The following CACNA1E variants were observed in gnomAD, a reference collection of about 807,000 sequenced individuals.
The protein encoded by CACNA1E is calcium voltage-gated channel subunit alpha1 E, also known as voltage-dependent R-type calcium channel subunit alpha-1E.
A neutral mutation model predicts 259.2 loss-of-function variants in CACNA1E; 40 were observed. That is an observed-to-expected ratio of 0.15 (90% confidence interval 0.12 to 0.20). The LOEUF is 0.20. CACNA1E is among the 10% of genes least tolerant of loss of function. The pLI is 1.00. For missense variants in CACNA1E, 1,874 were observed against 3,040.1 expected (o/e 0.62, Z 9.02); for synonymous variants, 1,104 against 1,138.5 (o/e 0.97, Z 0.61).
chr1:181,758,137 G>A lies in CACNA1E; in HGVS notation c.4494+26G>A, dbSNP rs704329. On this transcript the variant is annotated intron_variant, in intron 31 of 47. Transcript: ENST00000367573. The surrounding 1 kb of genome is among the most constrained non-coding windows in gnomAD (Gnocchi z 4.2). ...GTGAGAGGAGAGAGGCACAAGAGCC[G>A]ACTGAGCCCCAGCGATGGTTCCCTC... is the stretch of plus-strand genomic sequence containing the variant. 0.44 allele frequency: 700,596 copies of A among 1,603,568 alleles called. 156,930 individuals carry two copies. Among genetic ancestry groups the A allele is most frequent in the Non-Finnish European group, 0.46 (540,676 of 1,172,776 alleles).
intron 7 of CACNA1E, among the ~76,000 whole-genome samples, chr1:181,679,949 T>C (rs1238201828): frequency 6.6e-6 from 1 of 151,576 alleles, no homozygotes; most frequent in East Asian, 1.9e-4. Context: ...CAACAAACTT[T>C]AAAAATAAAA....
intron 6 of CACNA1E, among the ~76,000 whole-genome samples, chr1:181,590,401 CA>C (rs397861970): frequency 0.12 from 14,068 of 118,470 alleles, 976 homozygotes; most frequent in Non-Finnish European, 0.16. Context: ...GAGTCAATTA[CA>C]AAAAAAAAAA....
At chr1:181,751,733 T>G (rs945356075) in intron 26 of CACNA1E, among the ~76,000 whole-genome samples, 3 of 152,238 alleles carry the variant, frequency 2.0e-5, no homozygotes, top group South Asian at 4.1e-4. Flanking sequence ...AGTAGGGATC[T>G]GAAGTGGGCT....
At chr1:181,621,781 T>C (rs1655745435) in intron 6 of CACNA1E, among the ~76,000 whole-genome samples, 1 of 152,184 alleles carries the variant, frequency 6.6e-6, no homozygotes, top group African/African-American at 2.4e-5. Flanking sequence ...TCAATTTCAA[T>C]GAGGAAACCA....
At chr1:181,542,092 C>T (rs1470910497) in intron 3 of CACNA1E, among the ~76,000 whole-genome samples, 3 of 152,288 alleles carry the variant, frequency 2.0e-5, no homozygotes, top group Non-Finnish European at 4.4e-5. Context: ...GAACTGGAGA[C>T]TCCTGCCAAA....
chr1:181,329,373 A>G (rs1651052142), intron 1 of CACNA1E, among the ~76,000 whole-genome samples: 1 of 152,040 alleles, frequency 6.6e-6, no homozygotes, highest in Non-Finnish European at 1.5e-5. Context: ...TGAAGCATAA[A>G]CATGATTATA....
At chr1:181,587,441 G>C (rs78345776) in intron 6 of CACNA1E, among the ~76,000 whole-genome samples, 4,551 of 152,230 alleles carry the variant, frequency 0.03, 90 homozygotes, top group Middle Eastern at 0.061. Flanking sequence ...TATGAGAATA[G>C]TTTTGCCAGT....
intron 1 of CACNA1E, among the ~76,000 whole-genome samples, chr1:181,391,632 T>C (rs1364696982): frequency 6.6e-6 from 1 of 152,166 alleles, no homozygotes; most frequent in Non-Finnish European, 1.5e-5. Flanking sequence ...CGGGCTCCTC[T>C]TTTCTTTCTT....
chr1:181,505,110 C>T (rs1367052024), intron 1 of CACNA1E, among the ~76,000 whole-genome samples: 4 of 152,112 alleles, frequency 2.6e-5, no homozygotes, highest in African/African-American at 9.7e-5. Context: ...TAATCCTCTC[C>T]GAAGTCTTTT....
chr1:181,755,186 A>G, intron 27 of CACNA1E, 51 bp from the exon 28 acceptor site: 1 of 1,545,648 alleles, frequency 6.5e-7, no homozygotes, highest in Non-Finnish European at 8.8e-7. Flanking sequence ...CTAGGCAAGT[A>G]TGCAGACCAT....
At position 181,405,507 on chromosome 1, in the gene CACNA1E, C is replaced by A. The variant is rs79409474; in HGVS notation, c.-14-7626C>A. 2.4e-3 allele frequency among the ~76,000 whole-genome samples: 368 copies of A among 152,316 alleles called. 6 individuals carry two copies. Among genetic ancestry groups the A allele is most frequent in the African/African-American group, 8.7e-3 (362 of 41,562 alleles). Reference sequence around the variant, plus strand: ...TTGTTTTCTTTCCAGTTAACTATTACTGACTCCTAGTGACTTTTCCTTCCA... The same window carrying A: ...TTGTTTTCTTTCCAGTTAACTATTAATGACTCCTAGTGACTTTTCCTTCCA... On this transcript the variant is annotated intron_variant, in intron 1 of 11. Coordinates refer to the CACNA1E transcript ENST00000524607.
chr1:181,772,907 T>C (rs1346295592), intron 37 of CACNA1E, among the ~76,000 whole-genome samples: 1 of 152,134 alleles, frequency 6.6e-6, no homozygotes, highest in Non-Finnish European at 1.5e-5. Flanking sequence ...GAAGTCTCTT[T>C]TGGAGAAAGC....
intron 13 of CACNA1E, 81 bp from the exon 14 acceptor site, chr1:181,720,125 T>C: frequency 6.7e-7 from 1 of 1,497,618 alleles, no homozygotes; most frequent in Non-Finnish European, 9.2e-7. Context: ...TTTCATAGAC[T>C]ACCAGGCATA....
chr1:181,783,544 G>T lies in CACNA1E; in HGVS notation c.5365-135G>T. 15 of 574,868 alleles carry T rather than the reference G, an allele frequency of 2.6e-5. 1 individual carries two copies. The South Asian group carries it at 3.8e-4, about 14-fold the overall frequency. 35.6% of individuals were successfully genotyped at this position (574,868 alleles called of 1,614,324 possible). On this transcript the variant is annotated intron_variant, in intron 39 of 47. Coordinates refer to ENST00000367573, the MANE Select transcript of CACNA1E (RefSeq NM_001205293.3). ...AGTGAGAAGCAGGGAGAGAAGGACT[G>T]GGGCAGGGGATGGGGATCCTTGCCC...
intron 6 of CACNA1E, among the ~76,000 whole-genome samples, chr1:181,622,489 C>CCT (rs1655815039): frequency 6.6e-6 from 1 of 152,128 alleles, no homozygotes. Flanking sequence ...TTGTCCTGAG[C>CCT]CTCTCTCCTT....
chr1:181,697,679 T>C (rs1328774827), intron 7 of CACNA1E, among the ~76,000 whole-genome samples: 1 of 152,234 alleles, frequency 6.6e-6, no homozygotes, highest in Non-Finnish European at 1.5e-5. Flanking sequence ...TATAAACAGA[T>C]ATAAAATACA....
At chr1:181,355,965 G>A (rs910614484) in intron 1 of CACNA1E, among the ~76,000 whole-genome samples, 3 of 152,172 alleles carry the variant, frequency 2.0e-5, no homozygotes, top group Admixed American at 6.5e-5. Flanking sequence ...TAATATTAAA[G>A]TTGTTTTAAG....
At chr1:181,431,124 A>G (rs1659687102) in intron 2 of CACNA1E, among the ~76,000 whole-genome samples, 1 of 152,248 alleles carries the variant, frequency 6.6e-6, no homozygotes, top group South Asian at 2.1e-4. Context: ...AATAAAAAAA[A>G]AAGAATTCAA....
intron 15 of CACNA1E, 120 bp from the exon 16 acceptor site, chr1:181,721,638 C>A (rs1201103539): frequency 9.5e-6 from 5 of 524,996 alleles, no homozygotes; most frequent in African/African-American, 2.0e-5. Context: ...AACTCCCTGG[C>A]AAGATTGTCA....
Sources: allele counts gnomAD v4.1 joint callset (sites outside exome capture counted in the v4.1 genomes callset), GRCh38; gene constraint gnomAD v4.1.1; non-coding constraint Gnocchi (gnomAD v3.1); transcripts MANE v1.5; gene names NCBI Gene and HGNC (gene_info 2026-07-23, HGNC 2026-07-21).